Variants in PEAK1 observed in about 807,000 individuals in gnomAD.
The protein encoded by PEAK1 is inactive tyrosine-protein kinase PEAK1.
Under a neutral mutation model 124.7 loss-of-function variants are expected in PEAK1, and 54 were observed. The ratio of observed to expected loss-of-function variants is 0.43; its 90% CI spans 0.35 to 0.54. The LOEUF (loss-of-function observed/expected upper bound fraction) is 0.54. PEAK1 is among the 20% of genes least tolerant of loss of function. The pLI is 0.01. For missense variants in PEAK1, 2,046 were observed against 2,134.5 expected (o/e 0.96, Z 0.82); for synonymous variants, 719 against 760.0 (o/e 0.95, Z 0.89).
chr15:77,384,188 T>C (rs1475238191), intron 1 of PEAK1, among the ~76,000 whole-genome samples: 1 of 148,662 alleles, frequency 6.7e-6, no homozygotes, highest in Admixed American at 6.7e-5. Context: ...TGAAATTTAG[T>C]GCAAAAAAAA....
Position 77,221,624 on chromosome 15 carries a change from A to C in PEAK1, c.-115+30743T>G, listed in dbSNP as rs940230038. Among the ~76,000 whole-genome samples the C allele has an allele frequency of 2.0e-5, 3 of 152,066 alleles. No homozygotes were observed. In the East Asian group the frequency reaches 5.8e-4, roughly 29 times the overall value. ...TGGAACACATGTGCTGTTGGAAAAA[A>C]TCTCTTTTATGAAGCACCTAACTGG... On this transcript the variant is annotated intron_variant, in intron 6 of 9. Transcript: ENST00000682557.
chr15:77,355,877 A>G, intron 2 of PEAK1: 1 of 985,412 alleles, frequency 1.0e-6, no homozygotes, highest in Non-Finnish European at 1.2e-6. Context: ...CAGCCCTGGA[A>G]AAATGGAGAG....
chr15:77,172,940 G>A (rs1408847279), intron 7 of PEAK1, among the ~76,000 whole-genome samples: 1 of 152,096 alleles, frequency 6.6e-6, no homozygotes, highest in African/African-American at 2.4e-5. Context: ...TTTTAGTAGA[G>A]ACAAGGTCTC....
chr15:77,198,206 T>A (rs1297015293), intron 6 of PEAK1, among the ~76,000 whole-genome samples: 1 of 152,222 alleles, frequency 6.6e-6, no homozygotes, highest in Non-Finnish European at 1.5e-5. Context: ...AAGTATTCTA[T>A]CTGCTTAAAA....
intron 6 of PEAK1, among the ~76,000 whole-genome samples, chr15:77,235,799 C>T (rs988795652): frequency 5.3e-5 from 8 of 152,214 alleles, no homozygotes; most frequent in Admixed American, 5.2e-4. Context: ...CCCAAGGTCC[C>T]CCCTGCTCTA....
At chr15:77,396,622 G>T (rs1414060902) in intron 1 of PEAK1, among the ~76,000 whole-genome samples, 1 of 151,940 alleles carries the variant, frequency 6.6e-6, no homozygotes, top group East Asian at 1.9e-4. Flanking sequence ...CAAGAGCAGG[G>T]GTAGCTATAC....
At chr15:77,373,331 A>G (rs917895684) in intron 1 of PEAK1, among the ~76,000 whole-genome samples, 5 of 152,242 alleles carry the variant, frequency 3.3e-5, no homozygotes, top group Admixed American at 3.3e-4. Context: ...GATGCATGCA[A>G]TCTTCCCCTA....
At chr15:77,219,150 TAC>T (rs1243191565) in intron 6 of PEAK1, among the ~76,000 whole-genome samples, 1 of 152,096 alleles carries the variant, frequency 6.6e-6, no homozygotes, top group Admixed American at 6.6e-5. Context: ...TGAATTGCAA[TAC>T]AGACAATGAC....
intron 1 of PEAK1, chr15:77,418,237 G>A: frequency 1.0e-6 from 1 of 985,260 alleles, no homozygotes; most frequent in Non-Finnish European, 1.2e-6. Flanking sequence ...TCCAACCCTA[G>A]AACACAGCCA....
In PEAK1 at chr15:77,180,736, T is replaced by C. The variant is rs543359996; in HGVS notation, c.1191A>G (p.Lys397=). The change falls in exon 7 of 10, where the codon AAA becomes AAG. Residue 397 remains lysine, a synonymous_variant. Coordinates refer to ENST00000682557, the MANE Select transcript of PEAK1 (RefSeq NM_001385026.1). ...YESPSSNNQD[K]DSSQASKSSI... ...AGCTTTTGGAAGCCTGTGATGAATC[T>C]TTATCCTGATTATTACTAGAGGGAC... is the stretch of plus-strand genomic sequence containing the variant. The C allele has an allele frequency of 6.2e-7, 1 of 1,614,116 alleles. No homozygotes were observed. The highest frequency in any genetic ancestry group is 1.3e-5 in the African/African-American group (1 of 75,036).
chr15:77,137,246 GT>G (rs2053413258), intron 8 of PEAK1, among the ~76,000 whole-genome samples: 1 of 152,248 alleles, frequency 6.6e-6, no homozygotes, highest in East Asian at 1.9e-4. Flanking sequence ...GAAATGTGGG[GT>G]CGGAGCCCCC....
At chr15:77,239,909 C>A (rs1036148271) in intron 6 of PEAK1, 167 of 857,118 alleles carry the variant, frequency 1.9e-4, no homozygotes, top group East Asian at 2.4e-4. Flanking sequence ...ATAATGGCAA[C>A]CTAATTATAT....
At chr15:77,214,085 T>C (rs2100054) in intron 6 of PEAK1, among the ~76,000 whole-genome samples, 41,277 of 152,048 alleles carry the variant, frequency 0.27, 6,651 homozygotes, top group Middle Eastern at 0.38. Context: ...TTGAGATACA[T>C]TAATCTTGTG....
chr15:77,352,046 C>A (rs1447384551), intron 2 of PEAK1: 1 of 847,004 alleles, frequency 1.2e-6, no homozygotes, highest in Non-Finnish European at 1.4e-6. Context: ...CATAAGGAGA[C>A]CCCATCTCTC....
chr15:77,104,476 G>A (rs1273756181), downstream of PEAK1: 1 of 152,424 alleles, frequency 6.6e-6, no homozygotes, highest in Non-Finnish European at 1.5e-5. Flanking sequence ...AAAGCTTCTT[G>A]GCTGAATGGG....
intron 1 of PEAK1, among the ~76,000 whole-genome samples, chr15:77,389,196 T>C (rs1284196863): frequency 1.3e-5 from 2 of 152,304 alleles, no homozygotes; most frequent in East Asian, 3.9e-4. Flanking sequence ...TCAAAGTGAT[T>C]CTCCTGTCTT....
At chr15:77,305,665 TATAGTTATCTCTC>T (rs1286285399) in intron 2 of PEAK1, among the ~76,000 whole-genome samples, 1 of 152,186 alleles carries the variant, frequency 6.6e-6, no homozygotes, top group Non-Finnish European at 1.5e-5. Context: ...GTCTCCGTGC[TATAGTTATCTCTC>T]ATTATCTGTG....
chr15:77,112,656 TAC>T lies in PEAK1; in HGVS notation c.*1498_*1499del, dbSNP rs2051045625. On this transcript the variant is annotated 3_prime_UTR_variant, in exon 10 of 10. Transcript: ENST00000682557. ...AAACAAGCACAGGTGAACATGTGTATACATACACACACACACACACACACACA... is the reference window on the plus strand; with the variant it reads ...AAACAAGCACAGGTGAACATGTGTATATACACACACACACACACACACACA... The T allele has an allele frequency of 9.7e-6, 1 of 103,478 alleles. No individual in the cohort carries two copies. Among genetic ancestry groups the T allele is most frequent in the Non-Finnish European group, 1.9e-5 (1 of 53,194 alleles). 6.4% of individuals were successfully genotyped at this position (103,478 alleles called of 1,614,324 possible).
At chr15:77,350,682 T>C (rs1182260693) in intron 2 of PEAK1, 4 of 984,544 alleles carry the variant, frequency 4.1e-6, no homozygotes, top group Non-Finnish European at 4.8e-6. Context: ...CTCAGTTCCC[T>C]ACAGCTTCCT....
Sources: allele counts gnomAD v4.1 joint callset (sites outside exome capture counted in the v4.1 genomes callset), GRCh38; gene constraint gnomAD v4.1.1; transcripts MANE v1.5; gene names NCBI Gene and HGNC (gene_info 2026-07-23, HGNC 2026-07-21).